RAB28: variants seen among roughly 807,000 people sequenced by gnomAD.
The protein encoded by RAB28 is ras-related protein Rab-28.
Under a neutral mutation model 31.7 loss-of-function variants are expected in RAB28, and 24 were observed. The ratio of observed to expected loss-of-function variants is 0.76; its 90% CI spans 0.55 to 1.06. The LOEUF (loss-of-function observed/expected upper bound fraction) is 1.06. RAB28 is among the 50% of genes least tolerant of loss of function. RAB28 has a pLI of 0.00. For synonymous variants in RAB28, 100 were observed against 90.4 expected (o/e 1.11, Z -0.60); for missense variants, 254 against 258.5 (o/e 0.98, Z 0.12).
At chr4:13,483,880 G>C (rs1018622318) in intron 1 of RAB28, among the ~76,000 whole-genome samples, 196 bp downstream of exon 1, 1 of 152,204 alleles carries the variant, frequency 6.6e-6, no homozygotes, top group African/African-American at 2.4e-5. Flanking sequence ...TCTTTTTTAA[G>C]GGGGAGCTGG....
chr4:13,423,193 T>C (rs946608174), intron 4 of RAB28, among the ~76,000 whole-genome samples: 2 of 152,120 alleles, frequency 1.3e-5, no homozygotes, highest in African/African-American at 4.8e-5. Flanking sequence ...TGGGCCAAAT[T>C]TGCCACTTTT....
At chr4:13,393,086 A>G (rs1729717817) in intron 4 of RAB28, among the ~76,000 whole-genome samples, 1 of 152,214 alleles carries the variant, frequency 6.6e-6, no homozygotes, top group Non-Finnish European at 1.5e-5. Flanking sequence ...AAAGCTGGGA[A>G]GGCTAAGAGG....
At chr4:13,474,932 T>C (rs749903348) in intron 2 of RAB28, among the ~76,000 whole-genome samples, 7 of 151,610 alleles carry the variant, frequency 4.6e-5, no homozygotes, top group African/African-American at 9.7e-5. Context: ...TGTCAGCTAC[T>C]ATCGGATATG....
At chr4:13,474,202 G>T in intron 3 of RAB28, 116 bp downstream of exon 3, 2 of 787,732 alleles carry the variant, frequency 2.5e-6, no homozygotes, top group South Asian at 2.7e-5. Context: ...TTCTCTCTAC[G>T]TATCAGATAA....
intron 4 of RAB28, among the ~76,000 whole-genome samples, chr4:13,391,144 G>A (rs1729611258): frequency 6.6e-6 from 1 of 152,122 alleles, no homozygotes; most frequent in Admixed American, 6.5e-5. Flanking sequence ...GAACATTTTT[G>A]CAATCTACCC....
At chr4:13,441,632 C>T (rs1347933044) in intron 4 of RAB28, among the ~76,000 whole-genome samples, 1 of 152,086 alleles carries the variant, frequency 6.6e-6, no homozygotes, top group East Asian at 1.9e-4. Flanking sequence ...ACAAGTAATC[C>T]TAAAAAGACT....
intron 4 of RAB28, among the ~76,000 whole-genome samples, chr4:13,447,141 T>C (rs1270461637): frequency 6.6e-6 from 1 of 152,200 alleles, no homozygotes; most frequent in Non-Finnish European, 1.5e-5. Flanking sequence ...CCATTATTTA[T>C]CACCTAGATT....
intron 6 of RAB28, chr4:13,371,032 T>C (rs1222641123): frequency 1.0e-6 from 1 of 983,618 alleles, no homozygotes; most frequent in Non-Finnish European, 1.2e-6. Flanking sequence ...CCCTTCATAA[T>C]AGCATCTATT....
At chr4:13,398,379 C>G (rs1346900463) in intron 4 of RAB28, among the ~76,000 whole-genome samples, 1 of 152,072 alleles carries the variant, frequency 6.6e-6, no homozygotes, top group African/African-American at 2.4e-5. Flanking sequence ...CAATGAGGCC[C>G]AAGTTCACTT....
At chr4:13,368,816 G>A (rs374046305) in intron 6 of RAB28, among the ~76,000 whole-genome samples, 166 bp from the exon 7 acceptor site, 2 of 148,634 alleles carry the variant, frequency 1.3e-5, no homozygotes, top group African/African-American at 5.2e-5. Context: ...CAAACAAAGA[G>A]TGGATTTTTT....
intron 5 of RAB28, among the ~76,000 whole-genome samples, chr4:13,377,149 A>G (rs1231529216): frequency 6.6e-6 from 1 of 152,192 alleles, no homozygotes; most frequent in Non-Finnish European, 1.5e-5. Context: ...ACTGTTTACT[A>G]TATTTTATCA....
intron 4 of RAB28, among the ~76,000 whole-genome samples, chr4:13,409,377 G>C (rs531831669): frequency 6.6e-6 from 1 of 152,202 alleles, no homozygotes; most frequent in Admixed American, 6.5e-5. Context: ...ATAGCATAAC[G>C]TAAAAATATG....
chr4:13,465,320 C>T (rs1285293812), intron 3 of RAB28, among the ~76,000 whole-genome samples: 1 of 149,714 alleles, frequency 6.7e-6, no homozygotes, highest in Non-Finnish European at 1.5e-5. Flanking sequence ...GGATAAATAC[C>T]AAAAACTCTA....
chr4:13,435,032 A>AAG (rs1553872689), intron 4 of RAB28, among the ~76,000 whole-genome samples: 2 of 150,092 alleles, frequency 1.3e-5, no homozygotes, highest in African/African-American at 4.9e-5. Context: ...AAAAAAAAAA[A>AAG]AAAGAAAAGA....
At chr4:13,465,306 A>G (rs73231528) in intron 3 of RAB28, among the ~76,000 whole-genome samples, 2,079 of 151,916 alleles carry the variant, frequency 0.014, 24 homozygotes, top group Middle Eastern at 0.044. Flanking sequence ...GAGAACACCA[A>G]TTTGGATAAA....
At chr4:13,450,162 TATG>T (rs1714887849) in intron 4 of RAB28, among the ~76,000 whole-genome samples, 1 of 151,806 alleles carries the variant, frequency 6.6e-6, no homozygotes, top group Non-Finnish European at 1.5e-5. Context: ...CAGTACAGAT[TATG>T]ATTTTTTAAC....
intron 4 of RAB28, among the ~76,000 whole-genome samples, chr4:13,407,510 G>C (rs973766486): frequency 6.6e-6 from 1 of 152,156 alleles, no homozygotes; most frequent in African/African-American, 2.4e-5. Flanking sequence ...GGTTCTGTAT[G>C]AACTTTAAAG....
intron 4 of RAB28, among the ~76,000 whole-genome samples, chr4:13,405,747 A>G (rs986309613): frequency 6.6e-6 from 1 of 152,200 alleles, no homozygotes; most frequent in Non-Finnish European, 1.5e-5. Flanking sequence ...GAGAATTCAG[A>G]ACAAATAAAC....
chr4:13,472,250 T>C (rs1259719851), intron 3 of RAB28, among the ~76,000 whole-genome samples: 2 of 151,984 alleles, frequency 1.3e-5, no homozygotes, highest in Non-Finnish European at 2.9e-5. Context: ...TGGGCTCAAG[T>C]GATCCTCCCA....
Sources: allele counts gnomAD v4.1 joint callset (sites outside exome capture counted in the v4.1 genomes callset), GRCh38; gene constraint gnomAD v4.1.1; transcripts MANE v1.5; gene names NCBI Gene and HGNC (gene_info 2026-07-23, HGNC 2026-07-21).